The following OPCML variants were observed in gnomAD, a reference collection of about 807,000 sequenced individuals.
The protein encoded by OPCML is opioid binding protein/cell adhesion molecule like.
A neutral mutation model predicts 37.8 loss-of-function variants in OPCML; 13 were observed. The ratio of observed to expected loss-of-function variants is 0.34; its 90% confidence interval spans 0.22 to 0.55. The LOEUF is 0.55. Ranked by LOEUF, OPCML falls within the 20% of genes least tolerant of loss-of-function variation. OPCML has a pLI of 0.91. For missense variants in OPCML, 341 were observed against 435.6 expected (o/e 0.78, Z 1.93); for synonymous variants, 176 against 168.8 (o/e 1.04, Z -0.33).
At chr11:133,484,613 A>G (rs761417269) in intron 1 of OPCML, among the ~76,000 whole-genome samples, 9 of 152,216 alleles carry the variant, frequency 5.9e-5, no homozygotes, top group Non-Finnish European at 1.0e-4. Context: ...AAATTCATTT[A>G]TAAGGCTACA....
chr11:132,734,897 G>GA (rs1227046480), intron 2 of OPCML, among the ~76,000 whole-genome samples: 6 of 152,136 alleles, frequency 3.9e-5, no homozygotes, highest in Non-Finnish European at 7.4e-5. Context: ...ATAGAAAAGT[G>GA]AAAAAAATGT....
At chr11:133,219,355 T>C (rs1592115642) in intron 1 of OPCML, among the ~76,000 whole-genome samples, 1 of 152,232 alleles carries the variant, frequency 6.6e-6, no homozygotes, top group South Asian at 2.1e-4. Context: ...AACTGTCCTT[T>C]CCAGGACACT....
intron 3 of OPCML, among the ~76,000 whole-genome samples, chr11:132,649,258 G>A (rs1426787624): frequency 3.3e-5 from 5 of 152,124 alleles, no homozygotes; most frequent in African/African-American, 1.2e-4. Flanking sequence ...CCTGATACAA[G>A]GAGAAATCTG....
At chr11:132,720,023 A>G (rs1308600844) in intron 2 of OPCML, among the ~76,000 whole-genome samples, 1 of 152,256 alleles carries the variant, frequency 6.6e-6, no homozygotes, top group Non-Finnish European at 1.5e-5. Context: ...AGAAGGCATA[A>G]TCATGGCACA....
chr11:132,696,000 A>G (rs73599314), intron 2 of OPCML, among the ~76,000 whole-genome samples: 5,700 of 152,250 alleles, frequency 0.037, 353 homozygotes, highest in African/African-American at 0.13. Flanking sequence ...TGCACCCACA[A>G]GTCAGTTCTT....
chr11:133,452,391 A>AT (rs1181529490), intron 1 of OPCML, among the ~76,000 whole-genome samples: 1 of 151,470 alleles, frequency 6.6e-6, no homozygotes, highest in Non-Finnish European at 1.5e-5. Context: ...TTTAAGAACT[A>AT]TTTTTTTCTT....
intron 1 of OPCML, among the ~76,000 whole-genome samples, chr11:133,396,631 C>A (rs914967035): frequency 3.3e-5 from 5 of 152,190 alleles, no homozygotes; most frequent in Non-Finnish European, 5.9e-5. Flanking sequence ...TTAAGTAGTG[C>A]AAGCCTTTCA....
intron 3 of OPCML, among the ~76,000 whole-genome samples, chr11:132,581,425 T>A (rs2096461796): frequency 6.6e-6 from 1 of 152,218 alleles, no homozygotes; most frequent in Non-Finnish European, 1.5e-5. Context: ...TTGGTTTATT[T>A]GTGATTGTGT....
chr11:132,907,137 G>A (rs954053747), intron 2 of OPCML, among the ~76,000 whole-genome samples: 26 of 152,082 alleles, frequency 1.7e-4, no homozygotes, highest in Admixed American at 5.2e-4. Context: ...TTCAAAAATT[G>A]TTTTCTATCT....
intron 2 of OPCML, chr11:132,817,065 CT>C (rs1401997664): frequency 1.3e-5 from 2 of 152,270 alleles, no homozygotes; most frequent in Non-Finnish European, 2.9e-5. Flanking sequence ...ACAATGATGG[CT>C]CAGGTGGAGT....
At chr11:133,334,945 A>G (rs928906762) in intron 1 of OPCML, among the ~76,000 whole-genome samples, 4 of 152,230 alleles carry the variant, frequency 2.6e-5, no homozygotes, top group Non-Finnish European at 5.9e-5. Flanking sequence ...GGTGCGCTCC[A>G]TGGAAGCAGA....
At chr11:132,501,844 G>C (rs535426769) in intron 4 of OPCML, among the ~76,000 whole-genome samples, 109 of 152,250 alleles carry the variant, frequency 7.2e-4, no homozygotes, top group Non-Finnish European at 1.3e-3. Context: ...CTTAGCGATG[G>C]GGAAGGGGAG....
intron 2 of OPCML, among the ~76,000 whole-genome samples, chr11:132,861,653 G>A (rs1049952151): frequency 2.6e-5 from 4 of 151,910 alleles, no homozygotes; most frequent in South Asian, 2.1e-4. Flanking sequence ...TGGCTAACAC[G>A]GTGAAACCCT....
chr11:133,294,217 G>A (rs919430459), intron 1 of OPCML, among the ~76,000 whole-genome samples: 1 of 151,866 alleles, frequency 6.6e-6, no homozygotes, highest in Non-Finnish European at 1.5e-5. Flanking sequence ...TTCTGCAGAG[G>A]CAAACGGGCA....
chr11:133,326,296 T>G lies in OPCML; in HGVS notation c.61+205968A>C, dbSNP rs1204810576. Among the ~76,000 whole-genome samples, 118 of 41,656 alleles carry G rather than the reference T, an allele frequency of 2.8e-3. 1 individual carries two copies. Among genetic ancestry groups the G allele is most frequent in the African/African-American group, 0.018 (106 of 5,760 alleles). The allele number at this position is 41,656 out of a possible 152,430, so 27.3% of individuals were successfully genotyped here. ...ATGTGTGTGGGGGTGTGGGTGTGTGTGGGGGTGTGGGTATGTATAAGTGTG... is the reference window on the plus strand; with the variant it reads ...ATGTGTGTGGGGGTGTGGGTGTGTGGGGGGGTGTGGGTATGTATAAGTGTG... On this transcript the variant is annotated intron_variant, in intron 1 of 7. Coordinates refer to ENST00000524381, the MANE Select transcript of OPCML (RefSeq NM_001012393.5).
chr11:133,156,688 A>G (rs1950067379), intron 1 of OPCML, among the ~76,000 whole-genome samples: 1 of 152,230 alleles, frequency 6.6e-6, no homozygotes, highest in Admixed American at 6.5e-5. Flanking sequence ...AATTATGAAG[A>G]AAATCCAATG....
chr11:132,852,559 A>C (rs770359862), intron 2 of OPCML, among the ~76,000 whole-genome samples: 7 of 152,142 alleles, frequency 4.6e-5, no homozygotes, highest in African/African-American at 1.4e-4. Flanking sequence ...AGTGGCACCA[A>C]ACTGTATCTG....
In OPCML at chr11:132,415,331, T is replaced by A. The variant is rs923672962; in HGVS notation, c.*4862A>T. ...TAACGGCACCATTGATAAGTCATAA[T>A]TTTTTTTTAAATCTAAAGGACTCTG... On this transcript the variant is annotated 3_prime_UTR_variant, in exon 8 of 8. Coordinates refer to ENST00000524381, the MANE Select transcript of OPCML (RefSeq NM_001012393.5). The A allele has an allele frequency of 2.6e-5, 4 of 152,102 alleles. No individual in the cohort carries two copies. The highest frequency in any genetic ancestry group is 6.6e-5 in the Admixed American group (1 of 15,234). The allele number at this position is 152,102 out of a possible 1,614,324, so 9.4% of individuals were successfully genotyped here.
chr11:132,591,096 T>C (rs931351028), intron 3 of OPCML, among the ~76,000 whole-genome samples: 1 of 152,188 alleles, frequency 6.6e-6, no homozygotes, highest in East Asian at 1.9e-4. Flanking sequence ...AGCAAGATTG[T>C]TGTTCAATGA....
Sources: gnomAD v4.1 joint callset for allele counts (sites outside exome capture counted in the v4.1 genomes callset) on GRCh38, gnomAD v4.1.1 for gene constraint, MANE v1.5 for transcripts, NCBI Gene and HGNC (gene_info 2026-07-23, HGNC 2026-07-21) for gene names.